Variants in COL24A1 observed in about 807,000 individuals in gnomAD.
COL24A1 encodes collagen alpha-1(XXIV) chain.
COL24A1 carries 224 observed loss-of-function variants against 253.9 expected under a neutral mutation model. That is an observed-to-expected ratio of 0.88 (90% CI 0.79 to 0.99). The LOEUF (loss-of-function observed/expected upper bound fraction) is 0.99. Ranked by LOEUF, COL24A1 falls within the 50% of genes least tolerant of loss-of-function variation. The pLI is 0.00. For synonymous variants in COL24A1, 685 were observed against 673.7 expected (o/e 1.02, Z -0.26); for missense variants, 2,131 against 2,068.5 (o/e 1.03, Z -0.59).
chr1:85,886,636 G>C (rs1221635663), intron 32 of COL24A1, among the ~76,000 whole-genome samples: 1 of 151,788 alleles, frequency 6.6e-6, no homozygotes, highest in East Asian at 2.0e-4. Context: ...CTGTACTCTA[G>C]CCTGGGCGAC....
rs1553237048 is a variant in COL24A1 at position 85,945,019 on chromosome 1, T to TTTTTTTTTTTTTTTTTTTTTTTTTTTG, written c.2562+16229_2562+16230insCAAAAAAAAAAAAAAAAAAAAAAAAAA. Among the ~76,000 whole-genome samples the TTTTTTTTTTTTTTTTTTTTTTTTTTTG allele has an allele frequency of 2.2e-4, 16 of 73,388 alleles. 3 individuals carry two copies. Among genetic ancestry groups the TTTTTTTTTTTTTTTTTTTTTTTTTTTG allele is most frequent in the East Asian group, 1.2e-3 (2 of 1,670 alleles). The allele number at this position is 73,388 out of a possible 152,430, so 48.1% of individuals were successfully genotyped here. On this transcript the variant is annotated intron_variant, in intron 24 of 59. Coordinates refer to ENST00000370571, the MANE Select transcript of COL24A1 (RefSeq NM_152890.7). ...ATCATTGTGTTTTTTTTTTTTTTTT[T>TTTTTTTTTTTTTTTTTTTTTTTTTTTG]TTTTTTTTTTTTTTTTGAGACAGAG...
intron 12 of COL24A1, among the ~76,000 whole-genome samples, chr1:86,041,174 C>T (rs1466217664): frequency 2.0e-5 from 3 of 152,062 alleles, no homozygotes; most frequent in African/African-American, 7.2e-5. Context: ...TGTTATTTTG[C>T]CCACCATTCT....
intron 45 of COL24A1, among the ~76,000 whole-genome samples, chr1:85,821,847 CA>C (rs1222613672): frequency 2.0e-5 from 3 of 152,100 alleles, no homozygotes. Context: ...TAATAAGCAT[CA>C]GAAAATGTCT....
intron 18 of COL24A1, among the ~76,000 whole-genome samples, chr1:86,021,199 G>T (rs911853934): frequency 2.0e-5 from 3 of 152,088 alleles, no homozygotes; most frequent in African/African-American, 7.2e-5. Context: ...ATTTTTTAAT[G>T]TATATTTTAA....
At chr1:85,801,350 G>C (rs1671412699) in intron 47 of COL24A1, among the ~76,000 whole-genome samples, 1 of 152,184 alleles carries the variant, frequency 6.6e-6, no homozygotes. Flanking sequence ...TTGACCTCTG[G>C]CTTCCAGTTG....
chr1:86,004,113 G>A (rs891099552), intron 19 of COL24A1, among the ~76,000 whole-genome samples: 2 of 152,050 alleles, frequency 1.3e-5, no homozygotes, highest in African/African-American at 4.8e-5. Flanking sequence ...CCATTTGTCA[G>A]CAAAAAAAGA....
intron 5 of COL24A1, among the ~76,000 whole-genome samples, chr1:86,110,823 C>T (rs905583434): frequency 1.3e-5 from 2 of 151,718 alleles, no homozygotes; most frequent in Non-Finnish European, 2.9e-5. Context: ...CCGACCCCCG[C>T]CCCCCACACC....
At chr1:86,137,474 G>C (rs1046452530) in intron 2 of COL24A1, among the ~76,000 whole-genome samples, 2 of 152,134 alleles carry the variant, frequency 1.3e-5, no homozygotes, top group African/African-American at 4.8e-5. Flanking sequence ...AGCTTACCCA[G>C]CTAGGGAGTG....
intron 19 of COL24A1, among the ~76,000 whole-genome samples, chr1:86,010,781 C>A: frequency 6.6e-6 from 1 of 151,928 alleles, no homozygotes; most frequent in Admixed American, 6.6e-5. Context: ...ATAAAGAGCT[C>A]CATGAATTGA....
chr1:85,861,813 T>A (rs1679182180), intron 37 of COL24A1, among the ~76,000 whole-genome samples: 1 of 152,206 alleles, frequency 6.6e-6, no homozygotes, highest in African/African-American at 2.4e-5. Flanking sequence ...TCCTTCATGA[T>A]CTACTTCCTA....
Position 86,125,304 on chromosome 1 carries a change from C to T in COL24A1, c.1032G>A (p.Gln344=). The change falls in exon 3 of 60, where the codon CAG becomes CAA. Residue 344 remains glutamine (Q), a synonymous_variant. Coordinates refer to ENST00000370571, the MANE Select transcript of COL24A1 (RefSeq NM_152890.7). The part of the protein sequence containing the change: ...AKEMITEEDT[Q]TNFSLSVTTH... The stretch of plus-strand genomic sequence containing the variant: ...TGGTCACTGACAGGCTGAAATTTGT[C>T]TGAGTATCTTCCTCAGTGATCATTT... 1.9e-6 allele frequency: 3 copies of T among 1,613,618 alleles called. No individual in the cohort carries two copies. The highest frequency in any genetic ancestry group is 2.5e-6 in the Non-Finnish European group (3 of 1,179,792).
chr1:85,868,170 T>G (rs1680001385), intron 37 of COL24A1, among the ~76,000 whole-genome samples: 1 of 152,194 alleles, frequency 6.6e-6, no homozygotes, highest in Non-Finnish European at 1.5e-5. Flanking sequence ...TGCAAAGAAT[T>G]TCTTGTTTCA....
intron 7 of COL24A1, among the ~76,000 whole-genome samples, chr1:86,069,400 G>A (rs1701707703): frequency 1.3e-5 from 2 of 152,164 alleles, no homozygotes; most frequent in African/African-American, 4.8e-5. Context: ...GAGTAGGAAG[G>A]ACTCTGTATT....
intron 28 of COL24A1, among the ~76,000 whole-genome samples, chr1:85,902,098 C>G (rs1325139601): frequency 6.6e-6 from 1 of 152,052 alleles, no homozygotes; most frequent in Non-Finnish European, 1.5e-5. Flanking sequence ...AACCCAGGCA[C>G]AGAAAGACAA....
intron 28 of COL24A1, among the ~76,000 whole-genome samples, chr1:85,904,359 T>C (rs1283830887): frequency 6.6e-6 from 1 of 152,270 alleles, no homozygotes; most frequent in Admixed American, 6.5e-5. Context: ...AGGCGTATAA[T>C]GGAGTAATAC....
chr1:86,148,846 G>T (rs1362021820), intron 1 of COL24A1, among the ~76,000 whole-genome samples: 3 of 152,060 alleles, frequency 2.0e-5, no homozygotes, highest in South Asian at 2.1e-4. Context: ...ATGATTTATA[G>T]TCCTTTGGAT....
chr1:85,877,946 CAA>C (rs1681374269), intron 32 of COL24A1, among the ~76,000 whole-genome samples: 1 of 152,074 alleles, frequency 6.6e-6, no homozygotes, highest in South Asian at 2.1e-4. Flanking sequence ...TTTTACCCCT[CAA>C]GAGTGTCATA....
chr1:86,002,573 A>C (rs1695530868), intron 19 of COL24A1, among the ~76,000 whole-genome samples: 1 of 152,172 alleles, frequency 6.6e-6, no homozygotes, highest in Non-Finnish European at 1.5e-5. Flanking sequence ...GTTCAGTCTG[A>C]AGAGATCTGA....
At chr1:85,926,588 G>T (rs903395054) in intron 24 of COL24A1, among the ~76,000 whole-genome samples, 1 of 151,756 alleles carries the variant, frequency 6.6e-6, no homozygotes, top group South Asian at 2.1e-4. Context: ...AACACTGCAT[G>T]TTCTCACTCA....
Sources: allele counts gnomAD v4.1 joint callset (sites outside exome capture counted in the v4.1 genomes callset), GRCh38; gene constraint gnomAD v4.1.1; transcripts MANE v1.5; gene names NCBI Gene and HGNC (gene_info 2026-07-23, HGNC 2026-07-21).